The following BCAS1 variants were observed in gnomAD, a reference collection of about 807,000 sequenced individuals.
The protein encoded by BCAS1 is brain enriched myelin associated protein 1.
A neutral mutation model predicts 65.4 loss-of-function variants in BCAS1; 46 were observed. The observed-to-expected ratio is 0.70, with a 90% CI of 0.55 to 0.90. BCAS1 has a LOEUF of 0.90. BCAS1 is among the 40% of genes least tolerant of loss of function. The pLI is 0.00. For synonymous variants in BCAS1, 298 were observed against 293.5 expected (o/e 1.02, Z -0.16); for missense variants, 793 against 771.2 (o/e 1.03, Z -0.33).
At chr20:54,039,850 C>G (rs2091960739) in intron 3 of BCAS1, among the ~76,000 whole-genome samples, 1 of 151,344 alleles carries the variant, frequency 6.6e-6, no homozygotes, top group Non-Finnish European at 1.5e-5. Context: ...TGTTTATACT[C>G]ACACAAACAC....
chr20:54,047,580 G>T (rs2092132348), intron 3 of BCAS1, among the ~76,000 whole-genome samples: 1 of 152,200 alleles, frequency 6.6e-6, no homozygotes, highest in Non-Finnish European at 1.5e-5. Context: ...TGGGCCATCT[G>T]GGAGAGCCAG....
chr20:53,947,967 A>T (rs1411476474), intron 12 of BCAS1, among the ~76,000 whole-genome samples: 1 of 152,056 alleles, frequency 6.6e-6, no homozygotes, highest in Non-Finnish European at 1.5e-5. Context: ...TGACGTCAGC[A>T]CCATTCACTT....
intron 12 of BCAS1, among the ~76,000 whole-genome samples, chr20:53,945,949 T>G (rs141029015): frequency 6.6e-6 from 1 of 152,146 alleles, no homozygotes; most frequent in Non-Finnish European, 1.5e-5. Context: ...TTTTAAAATT[T>G]TTTTTGTAGA....
Position 54,028,664 on chromosome 20 carries a change from C to G in BCAS1, c.451G>C (p.Asp151His). The G allele has an allele frequency of 6.2e-7, 1 of 1,614,186 alleles. No homozygotes were observed. Among genetic ancestry groups the G allele is most frequent in the South Asian group, 1.1e-5 (1 of 91,076 alleles). ...GCCGGGGCGTGCCCTGGGGTTTTAT[C>G]TGTGTCCTGCCCCGGTCCAGCTGCC... ...PVAAGPGQDTDKTPGHAPAQD... is the reference protein window; with the variant it reads ...PVAAGPGQDTHKTPGHAPAQD... The change falls in exon 4 of 13, where the codon GAT becomes CAT. Residue 151 changes from aspartate to histidine, a missense_variant. Coordinates refer to ENST00000688948, the MANE Select transcript of BCAS1 (RefSeq NM_001366298.2).
chr20:54,050,210 C>T (rs1169790307), intron 3 of BCAS1, among the ~76,000 whole-genome samples: 4 of 152,178 alleles, frequency 2.6e-5, no homozygotes, highest in African/African-American at 9.7e-5. Context: ...GCCTCCCTCT[C>T]ATGAAGACCC....
intron 4 of BCAS1, among the ~76,000 whole-genome samples, chr20:54,010,417 C>G (rs1394846181): frequency 6.6e-6 from 1 of 152,072 alleles, no homozygotes; most frequent in Admixed American, 6.5e-5. Flanking sequence ...ACAAGATAAA[C>G]ATGTAAAAAT....
chr20:54,063,526 T>C (rs993697326), intron 1 of BCAS1, among the ~76,000 whole-genome samples: 1 of 152,204 alleles, frequency 6.6e-6, no homozygotes, highest in South Asian at 2.1e-4. Context: ...AAAAGTCAAT[T>C]TGGGGCCCTG....
intron 8 of BCAS1, among the ~76,000 whole-genome samples, chr20:53,978,264 C>A (rs1032270866): frequency 6.6e-6 from 1 of 152,082 alleles, no homozygotes; most frequent in Non-Finnish European, 1.5e-5. Context: ...AAACCATGTT[C>A]TAATTCTTGA....
chr20:53,976,439 T>C (rs957946718), intron 8 of BCAS1, among the ~76,000 whole-genome samples: 3 of 152,176 alleles, frequency 2.0e-5, no homozygotes, highest in African/African-American at 7.2e-5. Flanking sequence ...TTTTTTCCTT[T>C]AAGGCATCCA....
In BCAS1 at chr20:54,007,011, G is replaced by T. The variant is rs555169229; in HGVS notation, c.724-10961C>A. Among the ~76,000 whole-genome samples, 7 of 152,268 alleles carry T rather than the reference G, an allele frequency of 4.6e-5. No homozygotes were observed. In the East Asian group the frequency reaches 1.4e-3, roughly 29 times the overall value. ...CAAGGCCACGGAGGGTGAGGTGATG[G>T]GCTGCTGGCTACTTAGACAGTAGGC... On this transcript the variant is annotated intron_variant, in intron 4 of 12. Transcript: ENST00000688948.
intron 10 of BCAS1, among the ~76,000 whole-genome samples, chr20:53,962,355 C>T (rs1228731096): frequency 6.6e-6 from 1 of 152,184 alleles, no homozygotes; most frequent in Non-Finnish European, 1.5e-5. Flanking sequence ...CAGTATTTCT[C>T]TAAGCCTGAG....
chr20:53,953,383 T>G lies in BCAS1; in HGVS notation c.1815+49A>C, dbSNP rs567716043. 11 of 1,605,366 alleles carry G rather than the reference T, an allele frequency of 6.9e-6. No individual in the cohort carries two copies. The South Asian group carries it at 1.2e-4, about 18-fold the overall frequency. ...GAAAAACTGACTGGGGCAGATGGTG[T>G]TGGGGAAGGAGAGAGCCCAGAAAGA... On this transcript the variant is annotated intron_variant, in intron 12 of 12. Coordinates refer to ENST00000688948, the MANE Select transcript of BCAS1 (RefSeq NM_001366298.2).
chr20:54,061,599 G>A (rs1211178928), intron 1 of BCAS1, among the ~76,000 whole-genome samples: 1 of 152,118 alleles, frequency 6.6e-6, no homozygotes, highest in Non-Finnish European at 1.5e-5. Context: ...TAGACGCATT[G>A]AGCAATTAGA....
chr20:54,031,158 G>C (rs1388055610), intron 3 of BCAS1, among the ~76,000 whole-genome samples: 1 of 151,480 alleles, frequency 6.6e-6, no homozygotes, highest in Non-Finnish European at 1.5e-5. Context: ...GGAGCTAGTG[G>C]TAAGTAAGAG....
At position 53,979,753 on chromosome 20, in the gene BCAS1, C is replaced by A. The variant is rs2299732; in HGVS notation, c.1276-4323G>T. On this transcript the variant is annotated intron_variant, in intron 8 of 12. Coordinates refer to ENST00000688948, the MANE Select transcript of BCAS1 (RefSeq NM_001366298.2). Reference sequence around the variant, plus strand: ...GATGGGATTTGTGTGGGCATGGATTCATGTATGTTCAGCATTCTATGAAAA... The same window carrying A: ...GATGGGATTTGTGTGGGCATGGATTAATGTATGTTCAGCATTCTATGAAAA... Among the ~76,000 whole-genome samples, 4,733 of 152,200 alleles carry A rather than the reference C, an allele frequency of 0.031. 356 individuals carry two copies. The East Asian group carries it at 0.32, about 10-fold the overall frequency.
rs140077478 is a variant in BCAS1, at chr20:53,977,762, G to A, written c.1276-2332C>T. On this transcript the variant is annotated intron_variant, in intron 8 of 12. Coordinates refer to ENST00000688948, the MANE Select transcript of BCAS1 (RefSeq NM_001366298.2). ...TTATAAATATTGTCTTTTTCAAAAG[G>A]AATTGCTATTTTATATTTTTAAAGT... is the stretch of plus-strand genomic sequence containing the variant. Among the ~76,000 whole-genome samples, 1,106 of 152,214 alleles carry A rather than the reference G, an allele frequency of 7.3e-3. 10 individuals carry two copies. The highest frequency in any genetic ancestry group is 0.042 in the South Asian group (202 of 4,822).
intron 3 of BCAS1, among the ~76,000 whole-genome samples, chr20:54,051,339 G>C (rs62215590): frequency 0.13 from 20,127 of 152,162 alleles, 1,569 homozygotes; most frequent in Non-Finnish European, 0.17. Context: ...AGGGTGATGT[G>C]CTCAACTGTG....
chr20:54,003,619 GCA>G (rs1011174766), intron 4 of BCAS1, among the ~76,000 whole-genome samples: 31 of 141,068 alleles, frequency 2.2e-4, no homozygotes, highest in African/African-American at 7.4e-4. Flanking sequence ...AATACAAAAA[GCA>G]CATTTTGGTG....
At chr20:54,012,912 G>A (rs2091353725) in intron 4 of BCAS1, among the ~76,000 whole-genome samples, 1 of 152,182 alleles carries the variant, frequency 6.6e-6, no homozygotes, top group Non-Finnish European at 1.5e-5. Context: ...GTGCTGTGCT[G>A]CACTGATTCT....
Sources: allele counts gnomAD v4.1 joint callset (sites outside exome capture counted in the v4.1 genomes callset), GRCh38; gene constraint gnomAD v4.1.1; transcripts MANE v1.5; gene names NCBI Gene and HGNC (gene_info 2026-07-23, HGNC 2026-07-21).